The following LMO2 variants were observed in gnomAD, a reference collection of about 807,000 sequenced individuals.
LMO2 encodes the protein LIM domain only 2.
Under a neutral mutation model 23.2 loss-of-function variants are expected in LMO2, and 20 were observed. That is an observed-to-expected ratio of 0.86 (90% CI 0.61 to 1.25). The LOEUF (loss-of-function observed/expected upper bound fraction) is 1.25, where lower values mean the gene tolerates loss of function less well. LMO2 is among the 50% of genes most tolerant of loss of function. The pLI, the probability that LMO2 is intolerant of heterozygous loss-of-function variation, is 0.00. For synonymous variants in LMO2, 123 were observed against 130.2 expected (o/e 0.94, Z 0.38); for missense variants, 270 against 315.3 (o/e 0.86, Z 1.09).
chr11:33,886,343 G>T (rs1383291489), intron 1 of LMO2, among the ~76,000 whole-genome samples: 3 of 152,210 alleles, frequency 2.0e-5, no homozygotes, highest in Non-Finnish European at 4.4e-5. Flanking sequence ...TATGATAAAA[G>T]TAGTTTGTAG....
At position 33,864,820 on chromosome 11, in the gene LMO2, G is replaced by T. The variant is rs1443089257; in HGVS notation, c.249-3C>A. 13 of 1,612,914 alleles carry T rather than the reference G, an allele frequency of 8.1e-6. No homozygotes were observed. Among genetic ancestry groups the T allele is most frequent in the Non-Finnish European group, 1.1e-5 (13 of 1,179,856 alleles). On this transcript the variant is annotated splice_region_variant and splice_polypyrimidine_tract_variant and intron_variant, in intron 4 of 5. Coordinates refer to ENST00000257818, the MANE Select transcript of LMO2 (RefSeq NM_005574.4). This position sits in a 1 kb window ranked among gnomAD's most constrained non-coding sequence, Gnocchi z 4.8. ...GCAGCACCTCATCCACTGGTTCCCT[G>T]GAGAGAAGGCCAAGCATCAGGGACA...
In LMO2 at chr11:33,864,730, C is replaced by T; in HGVS notation, c.336G>A (p.Leu112=). 2 of 1,614,042 alleles carry T rather than the reference C, an allele frequency of 1.2e-6. No homozygotes were observed. Among genetic ancestry groups the T allele is most frequent in the Non-Finnish European group, 8.5e-7 (1 of 1,180,012 alleles). Reference sequence around the variant, plus strand: ...CGTGCCAGTACTGGTCGATGGCCTTCAGGAAGTAGCGGTCCCCAATGTTCT... The same window carrying T: ...CGTGCCAGTACTGGTCGATGGCCTTTAGGAAGTAGCGGTCCCCAATGTTCT... ...CQQNIGDRYF[L]KAIDQYWHED... The change falls in exon 5 of 6, where the codon CTG becomes CTA. Residue 112 remains leucine (L), a synonymous_variant. Coordinates refer to ENST00000257818, the MANE Select transcript of LMO2 (RefSeq NM_005574.4). This position sits in a 1 kb window ranked among gnomAD's most constrained non-coding sequence, Gnocchi z 4.8.
In LMO2 at chr11:33,864,161, G is replaced by A. The variant is rs953039910; in HGVS notation, c.464+441C>T. ...TTAAATTTCTCATCATATAATACTG[G>A]AGTCATACAAAAAAAATTTATAACA... On this transcript the variant is annotated intron_variant, in intron 5 of 5. Transcript: ENST00000257818. This position sits in a 1 kb window ranked among gnomAD's most constrained non-coding sequence, Gnocchi z 4.8. Among the ~76,000 whole-genome samples the A allele has an allele frequency of 3.9e-5, 6 of 151,906 alleles. No individual in the cohort carries two copies. Among genetic ancestry groups the A allele is most frequent in the African/African-American group, 1.2e-4 (5 of 41,336 alleles).
intron 1 of LMO2, among the ~76,000 whole-genome samples, chr11:33,891,269 C>G (rs1019048277): frequency 7.2e-5 from 11 of 151,976 alleles, no homozygotes; most frequent in Non-Finnish European, 1.6e-4. Flanking sequence ...GCCCTCAACT[C>G]AGAACTGGAA....
chr11:33,886,310 G>A (rs1162327022), intron 1 of LMO2, among the ~76,000 whole-genome samples: 1 of 152,196 alleles, frequency 6.6e-6, no homozygotes, highest in Non-Finnish European at 1.5e-5. Context: ...ACATGCGCTG[G>A]GCTGACAATT....
chr11:33,877,545 A>C (rs576884293), intron 2 of LMO2, among the ~76,000 whole-genome samples: 1 of 147,214 alleles, frequency 6.8e-6, no homozygotes, highest in East Asian at 2.0e-4. Flanking sequence ...GCTCACTGCA[A>C]CCTCTGCCTC....
intron 1 of LMO2, among the ~76,000 whole-genome samples, chr11:33,882,539 A>G (rs1857310215): frequency 6.6e-6 from 1 of 152,232 alleles, no homozygotes; most frequent in Admixed American, 6.5e-5. Context: ...TTTCAAGAGG[A>G]AGAGCTTCAT....
At chr11:33,868,822 G>A (rs1036439510) in intron 4 of LMO2, among the ~76,000 whole-genome samples, 1 of 152,050 alleles carries the variant, frequency 6.6e-6, no homozygotes, top group African/African-American at 2.4e-5. Context: ...CGAGGTGGAC[G>A]GTCGGACCCC....
intron 1 of LMO2, among the ~76,000 whole-genome samples, chr11:33,882,299 T>G (rs1187039443): frequency 6.6e-6 from 1 of 152,250 alleles, no homozygotes; most frequent in Non-Finnish European, 1.5e-5. Context: ...GTGTTCTGTC[T>G]GTATCTGCAA....
intron 3 of LMO2, 25 bp downstream of exon 3, chr11:33,869,685 C>CTGA (rs1565028586): frequency 6.3e-6 from 8 of 1,264,254 alleles, no homozygotes; most frequent in Non-Finnish European, 8.1e-6. Context: ...GCGGCTGCAG[C>CTGA]TGCTGCTGCT....
chr11:33,890,097 C>T (rs75008443), intron 1 of LMO2, among the ~76,000 whole-genome samples: 3,943 of 152,084 alleles, frequency 0.026, 61 homozygotes, highest in Non-Finnish European at 0.042. Context: ...ATAATGTGAA[C>T]ACATGGCATT....
At position 33,889,122 on chromosome 11, in the gene LMO2, T is replaced by C. The variant is rs556147862; in HGVS notation, c.-336+2673A>G. On this transcript the variant is annotated intron_variant, in intron 1 of 5. Transcript: ENST00000257818. ...ACAGGTTTGGGTAATAGGGGAAAGA[T>C]GACAAGGTCATTTGGAGCTCTGCTC... Among the ~76,000 whole-genome samples, 6 of 152,338 alleles carry C rather than the reference T, an allele frequency of 3.9e-5. No individual in the cohort carries two copies. The South Asian group carries it at 1.2e-3, about 32-fold the overall frequency.
At chr11:33,867,064 T>G (rs1276680127) in intron 4 of LMO2, among the ~76,000 whole-genome samples, 1 of 152,204 alleles carries the variant, frequency 6.6e-6, no homozygotes, top group Non-Finnish European at 1.5e-5. Context: ...GCCAAAGGAC[T>G]GTGAAAGAAG....
intron 1 of LMO2, among the ~76,000 whole-genome samples, chr11:33,886,822 C>T (rs186292371): frequency 1.4e-4 from 21 of 152,324 alleles, no homozygotes; most frequent in African/African-American, 5.1e-4. Context: ...AATATTCTAT[C>T]CCCTGTGGAA....
Position 33,869,364 on chromosome 11 carries a change from T to G in LMO2, c.230A>C (p.Lys77Thr). 8.3e-7 allele frequency: 1 copy of G among 1,208,212 alleles called. No homozygotes were observed. The highest frequency in any genetic ancestry group is 1.0e-6 in the Non-Finnish European group (1 of 964,322). 74.8% of individuals were successfully genotyped at this position (1,208,212 alleles called of 1,614,324 possible). ...CACTTACTCTGAAGGGTCCAGGCTCTTCCTTTCGATGGCCGAGGACATTGG... is the reference window on the plus strand; with the variant it reads ...CACTTACTCTGAAGGGTCCAGGCTCGTCCTTTCGATGGCCGAGGACATTGG... ...PSPMSSAIER[K>T]SLDPSEEPVD... The change falls in exon 4 of 6, where the codon AAG (lysine) becomes ACG (threonine). Residue 77 changes from lysine (K) to threonine (T), a missense_variant. Lys to Thr is a moderately conservative substitution (Grantham distance 78, BLOSUM62 -1). This residue lies in a region of LMO2 where 170 missense variants were observed against 162.0 expected (regional missense o/e 1.05). Transcript: ENST00000257818.
At chr11:33,870,044 G>T in intron 2 of LMO2, 57 bp from the exon 3 acceptor site, 1 of 730,458 alleles carries the variant, frequency 1.4e-6, no homozygotes, top group Non-Finnish European at 1.7e-6. Context: ...CAGCTGCCCG[G>T]TCCCCCCACC....
At chr11:33,879,007 T>C (rs951555159) in intron 2 of LMO2, among the ~76,000 whole-genome samples, 2 of 152,206 alleles carry the variant, frequency 1.3e-5, no homozygotes, top group African/African-American at 4.8e-5. Context: ...AAGCCCTGAG[T>C]GTCTTTGCTT....
In LMO2 at chr11:33,881,656, C is replaced by T. The variant is rs565350212; in HGVS notation, c.-272+168G>A. The T allele has an allele frequency of 4.8e-5, 16 of 335,868 alleles. 1 individual carries two copies. Among genetic ancestry groups the T allele is most frequent in the South Asian group, 1.4e-4 (6 of 42,972 alleles). 20.8% of individuals were successfully genotyped at this position (335,868 alleles called of 1,614,324 possible). ...AAGTTCAGATCACAATTTACAATTCCGCATTTTGTAATTGTTAAGTGCAGT... is the reference window on the plus strand; with the variant it reads ...AAGTTCAGATCACAATTTACAATTCTGCATTTTGTAATTGTTAAGTGCAGT... On this transcript the variant is annotated intron_variant, in intron 2 of 5. Coordinates refer to ENST00000257818, the MANE Select transcript of LMO2 (RefSeq NM_005574.4).
In LMO2 at chr11:33,864,992, G is replaced by A; in HGVS notation, c.249-175C>T. The A allele has an allele frequency of 1.5e-6, 1 of 656,984 alleles. No homozygotes were observed. The highest frequency in any genetic ancestry group is 2.8e-6 in the Non-Finnish European group (1 of 362,042). The allele number at this position is 656,984 out of a possible 1,614,324, so 40.7% of individuals were successfully genotyped here. A position where few individuals can be genotyped will look rare whatever the true frequency, so the allele number is the denominator to read the frequency against. On this transcript the variant is annotated intron_variant, in intron 4 of 5. Transcript: ENST00000257818. This position sits in a 1 kb window ranked among gnomAD's most constrained non-coding sequence, Gnocchi z 4.8. ...AGACTGCAGAGTCCCAACCAACCTT[G>A]GGTTAAGACGGGAAAGAGCCAGACC...
Sources: allele counts gnomAD v4.1 joint callset (sites outside exome capture counted in the v4.1 genomes callset), GRCh38; gene constraint gnomAD v4.1.1; regional missense constraint gnomAD v4.1.1; non-coding constraint Gnocchi (gnomAD v3.1); transcripts MANE v1.5; gene names NCBI Gene and HGNC (gene_info 2026-07-23, HGNC 2026-07-21).